PPP1CB: variants seen among roughly 807,000 people sequenced by gnomAD.
The protein encoded by PPP1CB is protein phosphatase 1 catalytic subunit beta, also known as serine/threonine-protein phosphatase PP1-beta catalytic subunit.
A neutral mutation model predicts 43.7 loss-of-function variants in PPP1CB; 2 were observed. The ratio of observed to expected loss-of-function variants is 0.05; its 90% CI spans 0.02 to 0.14. PPP1CB has a LOEUF of 0.14. PPP1CB is among the 10% of genes least tolerant of loss of function. The pLI is 1.00. For missense variants in PPP1CB, 84 were observed against 398.0 expected, an observed-to-expected ratio of 0.21 and a Z score of 6.71; for synonymous variants, 136 against 135.6, an observed-to-expected ratio of 1.00 and a Z score of -0.02.
chr2:28,798,988 T>C (rs1229108446), intron 7 of PPP1CB, among the ~76,000 whole-genome samples: 2 of 152,046 alleles, frequency 1.3e-5, no homozygotes, highest in Non-Finnish European at 2.9e-5. Context: ...GGATAGTTGA[T>C]AGAGTTAGTG....
At chr2:28,782,793 T>C (rs1258334345) in intron 4 of PPP1CB, 1 of 152,200 alleles carries the variant, frequency 6.6e-6, no homozygotes, top group Non-Finnish European at 1.5e-5. Flanking sequence ...AAAATTAGTT[T>C]TTCATCAATA....
At position 28,788,887 on chromosome 2, in the gene PPP1CB, T is replaced by G. The variant is rs2148056959; in HGVS notation, c.744+78T>G. 3 of 1,366,276 alleles carry G rather than the reference T, an allele frequency of 2.2e-6. No individual in the cohort carries two copies. The African/African-American group carries it at 4.4e-5, about 20-fold the overall frequency. The allele number at this position is 1,366,276 out of a possible 1,614,324, so 84.6% of individuals were successfully genotyped here. A position where few individuals can be genotyped will look rare whatever the true frequency, so the allele number is the denominator to read the frequency against. On this transcript the variant is annotated intron_variant, in intron 6 of 7. Coordinates refer to ENST00000395366, the MANE Select transcript of PPP1CB (RefSeq NM_002709.3). ...GGCAGACGGAGGGGCAGACAGATTC[T>G]TGTTCTGTCACCCAGGCTGGAGTGC...
chr2:28,793,132 G>A (rs888459127), intron 6 of PPP1CB, among the ~76,000 whole-genome samples: 3 of 152,100 alleles, frequency 2.0e-5, no homozygotes, highest in Admixed American at 6.5e-5. Flanking sequence ...CTTGATCTGG[G>A]AGGCAGAGGT....
chr2:28,788,878 G>C (rs1352194347), intron 6 of PPP1CB, 69 bp downstream of exon 6: 6 of 1,417,676 alleles, frequency 4.2e-6, no homozygotes, highest in Non-Finnish European at 5.6e-6. Context: ...CGGAGGGGCA[G>C]ACAGATTCTT....
intron 2 of PPP1CB, chr2:28,778,388 GTC>G (rs1558305134): frequency 2.1e-6 from 1 of 471,900 alleles, no homozygotes. Flanking sequence ...CTGGCTCTGG[GTC>G]TCTCACAAGG....
chr2:28,786,152 C>T (rs1667261522), intron 5 of PPP1CB, among the ~76,000 whole-genome samples: 1 of 152,072 alleles, frequency 6.6e-6, no homozygotes, highest in African/African-American at 2.4e-5. Flanking sequence ...TCACTCTTGT[C>T]GCCCAGGCTG....
chr2:28,776,355 G>A (rs995424361), intron 1 of PPP1CB, among the ~76,000 whole-genome samples: 6 of 151,756 alleles, frequency 4.0e-5, no homozygotes, highest in Non-Finnish European at 7.4e-5. Context: ...CTCTGCCCCC[G>A]GGTTCAAGCG....
At chr2:28,773,976 T>C (rs563654117) in intron 1 of PPP1CB, among the ~76,000 whole-genome samples, 2 of 152,184 alleles carry the variant, frequency 1.3e-5, no homozygotes, top group Admixed American at 6.5e-5. Context: ...TTCAGAGATA[T>C]TAGTTAAGGG....
At chr2:28,760,966 T>C (rs1666629780) in intron 1 of PPP1CB, among the ~76,000 whole-genome samples, 1 of 152,156 alleles carries the variant, frequency 6.6e-6, no homozygotes, top group African/African-American at 2.4e-5. Context: ...AGTGGTGCAG[T>C]CTCGGCTCAC....
intron 3 of PPP1CB, among the ~76,000 whole-genome samples, chr2:28,780,628 T>C (rs947370766): frequency 2.0e-5 from 3 of 152,094 alleles, no homozygotes; most frequent in Non-Finnish European, 4.4e-5. Context: ...AATGAAATAA[T>C]GTATGGGAGA....
intron 1 of PPP1CB, among the ~76,000 whole-genome samples, chr2:28,757,008 C>A (rs900903986): frequency 6.6e-6 from 1 of 151,954 alleles, no homozygotes; most frequent in African/African-American, 2.4e-5. Flanking sequence ...ACACATATAC[C>A]CCCCAAAAAA....
intron 7 of PPP1CB, among the ~76,000 whole-genome samples, chr2:28,798,914 T>C (rs1667551343): frequency 6.6e-6 from 1 of 151,358 alleles, no homozygotes; most frequent in Non-Finnish European, 1.5e-5. Context: ...CTTAAACCAG[T>C]GTTCTTTTCC....
At chr2:28,776,792 T>C (rs1667054095) in intron 1 of PPP1CB, 59 bp from the exon 2 acceptor site, 6 of 1,526,214 alleles carry the variant, frequency 3.9e-6, no homozygotes, top group Non-Finnish European at 4.5e-6. Context: ...ATGACTCTTT[T>C]TGAAAGATTA....
Position 28,799,416 on chromosome 2 carries a change from TTTAAC to T in PPP1CB, c.*118_*122del, listed in dbSNP as rs200368838. 1,322 of 785,186 alleles carry T rather than the reference TTTAAC, an allele frequency of 1.7e-3. 12 individuals are homozygous for T. In the African/African-American group the frequency reaches 0.02, roughly 12 times the overall value. The allele number at this position is 785,186 out of a possible 1,614,324, so 48.6% of individuals were successfully genotyped here. A position where few individuals can be genotyped will look rare whatever the true frequency, so the allele number is the denominator to read the frequency against. ...TTGACACCCTTTATGATGTCACACCTTTAACTTAAGGAGACGGGTAAAGGATCTTA... is the reference window on the plus strand; with the variant it reads ...TTGACACCCTTTATGATGTCACACCTTTAAGGAGACGGGTAAAGGATCTTA... On this transcript the variant is annotated 3_prime_UTR_variant, in exon 8 of 8. Transcript: ENST00000395366.
At chr2:28,774,818 AGTAGGTAATT>A (rs1165721711) in intron 1 of PPP1CB, among the ~76,000 whole-genome samples, 2 of 152,188 alleles carry the variant, frequency 1.3e-5, no homozygotes, top group Non-Finnish European at 2.9e-5. Context: ...ATGCATCAGA[AGTAGGTAATT>A]GATGTTTGAG....
At chr2:28,770,381 A>AGGGG (rs113131889) in intron 1 of PPP1CB, among the ~76,000 whole-genome samples, 59 of 99,310 alleles carry the variant, frequency 5.9e-4, no homozygotes, top group Non-Finnish European at 9.0e-4. Context: ...AGTAAAAAAA[A>AGGGG]GGGGGGGGGG....
intron 1 of PPP1CB, among the ~76,000 whole-genome samples, chr2:28,761,895 A>G (rs1666664378): frequency 6.6e-6 from 1 of 152,232 alleles, no homozygotes; most frequent in South Asian, 2.1e-4. Flanking sequence ...TCTTACACTC[A>G]AATTCTCCAT....
chr2:28,794,020 TAAG>T, intron 7 of PPP1CB, 23 bp downstream of exon 7: 2 of 1,560,590 alleles, frequency 1.3e-6, no homozygotes, highest in Admixed American at 1.8e-5. Flanking sequence ...CATAAATATA[TAAG>T]AACTAGAAAT....
rs1469298164 is a variant in PPP1CB at position 28,751,840 on chromosome 2, G to A, written c.-285G>A. 2.1e-5 allele frequency: 11 copies of A among 528,832 alleles called. No individual in the cohort carries two copies. The highest frequency in any genetic ancestry group is 3.4e-5 in the Non-Finnish European group (10 of 290,780). 32.8% of individuals were successfully genotyped at this position (528,832 alleles called of 1,614,324 possible). On this transcript the variant is annotated 5_prime_UTR_variant, in exon 1 of 8. Coordinates refer to ENST00000395366, the MANE Select transcript of PPP1CB (RefSeq NM_002709.3). ...GCGCTGGTGAGCTTTGCGGAGCTGG[G>A]CGGTGCCGAGGAGGAGGAGGTGGCG...
Sources: allele counts gnomAD v4.1 joint callset (sites outside exome capture counted in the v4.1 genomes callset), GRCh38; gene constraint gnomAD v4.1.1; transcripts MANE v1.5; gene names NCBI Gene and HGNC (gene_info 2026-07-23, HGNC 2026-07-21).